The following DLG4 variants were observed in gnomAD, a reference collection of about 807,000 sequenced individuals.
DLG4 encodes the protein discs large MAGUK scaffold protein 4, also known as disks large homolog 4.
A neutral mutation model predicts 93.8 loss-of-function variants in DLG4; 7 were observed. The ratio of observed to expected loss-of-function variants is 0.07; its 90% confidence interval spans 0.04 to 0.14. DLG4 has a LOEUF of 0.14. Among genes scored for constraint, DLG4 ranks in the 10% least tolerant of loss-of-function variants. The pLI is 1.00. For synonymous variants in DLG4, 341 were observed against 387.6 expected (o/e 0.88, Z 1.41); for missense variants, 545 against 992.9 (o/e 0.55, Z 6.06).
chr17:7,199,163 A>G (rs924372891), intron 8 of DLG4, among the ~76,000 whole-genome samples: 1 of 152,174 alleles, frequency 6.6e-6, no homozygotes, highest in Non-Finnish European at 1.5e-5. Context: ...CAATTTCAGA[A>G]TGAATGAGAT....
At chr17:7,218,737 G>A (rs779152504), upstream of DLG4, 80 of 1,572,286 alleles carry the variant, frequency 5.1e-5, no homozygotes, top group Non-Finnish European at 6.9e-5. Flanking sequence ...CTTCACCCCA[G>A]CCCCTACGGA....
Position 7,190,482 on chromosome 17 carries a change from T to TC in DLG4, c.*225dup, listed in dbSNP as rs970819219. 3.1e-5 allele frequency: 17 copies of TC among 550,464 alleles called. No homozygotes were observed. The highest frequency in any genetic ancestry group is 1.1e-4 in the African/African-American group (6 of 52,424). 34.1% of individuals were successfully genotyped at this position (550,464 alleles called of 1,614,324 possible). ...AAGGGCTCGGAACAAGGAGCCCAGC[T>TC]CCCCCCCAGACCCCAGGTTCCTGGC... On this transcript the variant is annotated 3_prime_UTR_variant, in exon 20 of 20. Coordinates refer to ENST00000399506, the MANE Select transcript of DLG4 (RefSeq NM_001321075.3).
chr17:7,211,613 G>A (rs2070708295), intron 1 of DLG4: 1 of 854,968 alleles, frequency 1.2e-6, no homozygotes, highest in Non-Finnish European at 1.4e-6. Context: ...ATTTGCGGGG[G>A]TCCGGGAAGG....
At chr17:7,204,798 TA>T in intron 2 of DLG4, 1 of 280,712 alleles carries the variant, frequency 3.6e-6, no homozygotes, top group Non-Finnish European at 5.2e-6. Context: ...ACATTTGCCC[TA>T]AACCCTGCAC....
At chr17:7,214,042 A>C in intron 1 of DLG4, 4 of 338,950 alleles carry the variant, frequency 1.2e-5, no homozygotes, top group Non-Finnish European at 2.4e-5. Flanking sequence ...TTTTCCCTCC[A>C]TTTTCCGTTT....
chr17:7,205,288 GTCAA>G (rs2070401741), intron 2 of DLG4: 1 of 585,640 alleles, frequency 1.7e-6, no homozygotes. Context: ...GGTCCCTGAC[GTCAA>G]TCGCCTGGTC....
At position 7,202,879 on chromosome 17, in the gene DLG4, CTTTGGTG is replaced by C. The variant is rs752218666; in HGVS notation, c.787+17_787+23del. ...GTTAAACGGGATGGGTCATGGGGAA[CTTTGGTG>C]TTTGAAGGGCTCTCACAGGTTGTGA... is the stretch of plus-strand genomic sequence containing the variant. On this transcript the variant is annotated intron_variant, in intron 8 of 19. Coordinates refer to ENST00000399506, the MANE Select transcript of DLG4 (RefSeq NM_001321075.3). The C allele has an allele frequency of 3.1e-6, 5 of 1,613,310 alleles. No homozygotes were observed. The highest frequency in any genetic ancestry group is 2.7e-5 in the African/African-American group (2 of 74,916).
chr17:7,213,079 TTTTC>T (rs201759025), intron 1 of DLG4, among the ~76,000 whole-genome samples: 9,791 of 120,366 alleles, frequency 0.081, 491 homozygotes, highest in Non-Finnish European at 0.097. Context: ...TTTCCTTTTC[TTTTC>T]TTTCTTTCTT....
chr17:7,210,188 C>T (rs764416284), intron 1 of DLG4, among the ~76,000 whole-genome samples: 26 of 152,112 alleles, frequency 1.7e-4, no homozygotes, highest in Non-Finnish European at 2.9e-4. Context: ...GAGTAGGATT[C>T]TGAAAATGTT....
chr17:7,193,095 C>T lies in DLG4; in HGVS notation c.1716G>A (p.Glu572=), dbSNP rs747361817. 1.9e-6 allele frequency: 3 copies of T among 1,613,824 alleles called. No individual in the cohort carries two copies. The highest frequency in any genetic ancestry group is 1.7e-5 in the Admixed American group (1 of 60,006). ...GGTAATCCCGGCCATCTATCTCATACTCCCGCTTGGGCCGTGTCGTATCTG... is the reference window on the plus strand; with the variant it reads ...GGTAATCCCGGCCATCTATCTCATATTCCCGCTTGGGCCGTGTCGTATCTG... ...CVPHTTRPKR[E]YEIDGRDYHF... Residue 572 remains glutamate, a synonymous_variant, in exon 17 of 20, where the codon GAG becomes GAA. Coordinates refer to ENST00000399506, the MANE Select transcript of DLG4 (RefSeq NM_001321075.3). The surrounding 1 kb of genome is among the most constrained non-coding windows in gnomAD (Gnocchi z 6.7).
rs768460293 is a variant in DLG4 at position 7,204,064 on chromosome 17, A to G, written c.154T>C (p.Leu52=). 1 of 1,608,302 alleles carries G rather than the reference A, an allele frequency of 6.2e-7. No homozygotes were observed. Among genetic ancestry groups the G allele is most frequent in the South Asian group, 1.1e-5 (1 of 89,908 alleles). Residue 52 remains leucine, a synonymous_variant, in exon 4 of 20, where the codon TTG becomes CTG. Coordinates refer to ENST00000399506, the MANE Select transcript of DLG4 (RefSeq NM_001321075.3). ...TCCCCCTCGGTCCCGTTCACCTGCA[A>G]CTCCAGCACGGGACAGAAACACAAA... ...TDTLEAPGYE[L]QVNGTEGEME...
chr17:7,202,860 C>A, intron 8 of DLG4, 43 bp downstream of exon 8: 2 of 1,610,528 alleles, frequency 1.2e-6, no homozygotes, highest in Non-Finnish European at 1.7e-6. Context: ...ATGGGTTAAA[C>A]GGGATGGGTC....
chr17:7,206,827 T>A (rs2070487021), intron 2 of DLG4, among the ~76,000 whole-genome samples: 1 of 152,002 alleles, frequency 6.6e-6, no homozygotes, highest in Non-Finnish European at 1.5e-5. Flanking sequence ...CTCCTCCCCA[T>A]CTTCTTGGTG....
chr17:7,212,561 C>T (rs2070750554), intron 1 of DLG4, among the ~76,000 whole-genome samples: 1 of 152,168 alleles, frequency 6.6e-6, no homozygotes, highest in East Asian at 1.9e-4. Flanking sequence ...GTCTCCAAAT[C>T]CACACCAGAA....
chr17:7,198,376 G>A (rs1056005864), intron 8 of DLG4, among the ~76,000 whole-genome samples: 3 of 151,842 alleles, frequency 2.0e-5, no homozygotes, highest in African/African-American at 7.3e-5. Context: ...TCAGGTACTC[G>A]GGAGGCTGAG....
At chr17:7,200,440 A>G (rs1158202250) in intron 8 of DLG4, among the ~76,000 whole-genome samples, 1 of 152,170 alleles carries the variant, frequency 6.6e-6, no homozygotes, top group Non-Finnish European at 1.5e-5. Context: ...ATAATTTTAT[A>G]GAAATTTTTT....
rs1182794917 is a variant in DLG4 at position 7,193,941 on chromosome 17, G to A, written c.1515+23C>T. On this transcript the variant is annotated intron_variant, in intron 13 of 19. Transcript: ENST00000399506. This position sits in a 1 kb window ranked among gnomAD's most constrained non-coding sequence, Gnocchi z 6.7. Reference sequence around the variant, plus strand: ...CCATGAGCCCTCACACTTCCACCCAGGCTCACACCCTCCTCCACCTACCTT... The same window carrying A: ...CCATGAGCCCTCACACTTCCACCCAAGCTCACACCCTCCTCCACCTACCTT... The A allele has an allele frequency of 6.2e-7, 1 of 1,613,548 alleles. No homozygotes were observed. The highest frequency in any genetic ancestry group is 8.5e-7 in the Non-Finnish European group (1 of 1,179,766).
intron 8 of DLG4, 82 bp downstream of exon 8, chr17:7,202,821 G>C: frequency 6.5e-7 from 1 of 1,549,036 alleles, no homozygotes; most frequent in Non-Finnish European, 8.9e-7. Context: ...AAGAGGGACA[G>C]CTACAGGGAT....
Position 7,194,510 on chromosome 17 carries a change from G to C in DLG4, c.1302-15C>G, listed in dbSNP as rs1339561751. The C allele has an allele frequency of 1.3e-6, 2 of 1,593,294 alleles. No homozygotes were observed. Among genetic ancestry groups the C allele is most frequent in the Non-Finnish European group, 8.5e-7 (1 of 1,170,194 alleles). ...CAAACAGGGCCCTGGAGGGCAAGTG[G>C]CTATCGGTCAGAGCCCAGCTGAGGA... On this transcript the variant is annotated splice_polypyrimidine_tract_variant and intron_variant, in intron 11 of 19. Transcript: ENST00000399506. This position sits in a 1 kb window ranked among gnomAD's most constrained non-coding sequence, Gnocchi z 4.4.
Sources: allele counts gnomAD v4.1 joint callset (sites outside exome capture counted in the v4.1 genomes callset), GRCh38; gene constraint gnomAD v4.1.1; non-coding constraint Gnocchi (gnomAD v3.1); transcripts MANE v1.5; gene names NCBI Gene and HGNC (gene_info 2026-07-23, HGNC 2026-07-21).